KLF6: variants seen among roughly 807,000 people sequenced by gnomAD.
KLF6 encodes the protein KLF transcription factor 6, also known as Krueppel-like factor 6.
For missense variants in KLF6, 233 were observed against 359.8 expected, an observed-to-expected ratio of 0.65 and a Z score of 2.85; for synonymous variants, 152 against 147.9, an observed-to-expected ratio of 1.03 and a Z score of -0.20.
At position 3,782,525 on chromosome 10, in the gene KLF6, T is replaced by C. The variant is rs919453915; in HGVS notation, c.103-311A>G. ...TTTTTGTTGTAGTTACCAGTGTTGA[T>C]GTTTCTCATGAAACCAGAGGAAGAG... On this transcript the variant is annotated intron_variant, in intron 1 of 3. Transcript: ENST00000497571. The surrounding 1 kb of genome is among the most constrained non-coding windows in gnomAD (Gnocchi z 4.3). Among the ~76,000 whole-genome samples, 18 of 152,244 alleles carry C rather than the reference T, an allele frequency of 1.2e-4. No homozygotes were observed. Among genetic ancestry groups the C allele is most frequent in the Admixed American group, 9.2e-4 (14 of 15,290 alleles).
At chr10:3,784,002 T>C (rs547136636) in intron 1 of KLF6, among the ~76,000 whole-genome samples, 1 of 152,294 alleles carries the variant, frequency 6.6e-6, no homozygotes, top group African/African-American at 2.4e-5. Flanking sequence ...ACACCCTGCA[T>C]TTCATCTTCC....
At position 3,778,425 on chromosome 10, in the gene KLF6, A is replaced by C. The variant is rs1197164352; in HGVS notation, c.*1114T>G. The C allele has an allele frequency of 1.9e-6, 1 of 526,010 alleles. No homozygotes were observed. The allele number at this position is 526,010 out of a possible 1,614,324, so 32.6% of individuals were successfully genotyped here. A position where few individuals can be genotyped will look rare whatever the true frequency, so the allele number is the denominator to read the frequency against. ...GTGGTTTTATCCACCCAACTGAGAA[A>C]AATTTTAGGTTCTTAAGTCTAATGA... On this transcript the variant is annotated 3_prime_UTR_variant, in exon 4 of 4. Coordinates refer to ENST00000497571, the MANE Select transcript of KLF6 (RefSeq NM_001300.6).
In KLF6 at chr10:3,781,274, T is replaced by C; in HGVS notation, c.676+367A>G. 1.4e-6 allele frequency: 1 copy of C among 690,984 alleles called. No individual in the cohort carries two copies. Among genetic ancestry groups the C allele is most frequent in the Non-Finnish European group, 2.3e-6 (1 of 436,046 alleles). The allele number at this position is 690,984 out of a possible 1,614,324, so 42.8% of individuals were successfully genotyped here. ...TCTGTCCTGACCCTTGAGTTTCATTTAGGAAACCCCAGGGCCGCTCGAGGT... is the reference window on the plus strand; with the variant it reads ...TCTGTCCTGACCCTTGAGTTTCATTCAGGAAACCCCAGGGCCGCTCGAGGT... On this transcript the variant is annotated intron_variant, in intron 2 of 3. Transcript: ENST00000497571. This position sits in a 1 kb window ranked among gnomAD's most constrained non-coding sequence, Gnocchi z 5.8.
In KLF6 at chr10:3,776,861, C is replaced by T. The variant is rs1832390131; in HGVS notation, c.*2678G>A. On this transcript the variant is annotated 3_prime_UTR_variant, in exon 4 of 4. Coordinates refer to ENST00000497571, the MANE Select transcript of KLF6 (RefSeq NM_001300.6). ...CACAGGCATTGACAGGTACGGTACCCAGCCCCACCCAGGCAAACAGCTCCG... is the reference window on the plus strand; with the variant it reads ...CACAGGCATTGACAGGTACGGTACCTAGCCCCACCCAGGCAAACAGCTCCG... 2 of 527,380 alleles carry T rather than the reference C, an allele frequency of 3.8e-6. No homozygotes were observed. Among genetic ancestry groups the T allele is most frequent in the Non-Finnish European group, 7.3e-6 (2 of 272,872 alleles). 32.7% of individuals were successfully genotyped at this position (527,380 alleles called of 1,614,324 possible).
rs959751438 is a variant in KLF6, at chr10:3,776,335, A to AGAG, written c.*3201_*3203dup. ...GGTTGTTTTTGTCAGTCCTTGGAGA[A>AGAG]GAGTATTTGATGCATTCAGGGAGGG... On this transcript the variant is annotated 3_prime_UTR_variant, in exon 4 of 4. Transcript: ENST00000497571. The AGAG allele has an allele frequency of 2.1e-5, 11 of 532,442 alleles. No homozygotes were observed. Among genetic ancestry groups the AGAG allele is most frequent in the African/African-American group, 1.7e-4 (9 of 53,730 alleles). The allele number at this position is 532,442 out of a possible 1,614,324, so 33.0% of individuals were successfully genotyped here.
Position 3,781,365 on chromosome 10 carries a change from G to GGGGTGGA in KLF6, c.676+269_676+275dup. ...GATCCCCAGCACTACTAAGGGGTGG[G>GGGGTGGA]GGGTGGAGGTTTGGGTGTCCGTGGA... is the stretch of plus-strand genomic sequence containing the variant. On this transcript the variant is annotated intron_variant, in intron 2 of 3. Transcript: ENST00000497571. This position sits in a 1 kb window ranked among gnomAD's most constrained non-coding sequence, Gnocchi z 5.8. 1 of 1,419,672 alleles carries GGGGTGGA rather than the reference G, an allele frequency of 7.0e-7. No individual in the cohort carries two copies. The highest frequency in any genetic ancestry group is 9.3e-7 in the Non-Finnish European group (1 of 1,074,084). The allele number at this position is 1,419,672 out of a possible 1,614,324, so 87.9% of individuals were successfully genotyped here. A position where few individuals can be genotyped will look rare whatever the true frequency, so the allele number is the denominator to read the frequency against.
At position 3,778,841 on chromosome 10, in the gene KLF6, C is replaced by T. The variant is rs762972361; in HGVS notation, c.*698G>A. 4 of 533,442 alleles carry T rather than the reference C, an allele frequency of 7.5e-6. No individual in the cohort carries two copies. Among genetic ancestry groups the T allele is most frequent in the South Asian group, 6.1e-5 (4 of 65,150 alleles). 33.0% of individuals were successfully genotyped at this position (533,442 alleles called of 1,614,324 possible). On this transcript the variant is annotated 3_prime_UTR_variant, in exon 4 of 4. Transcript: ENST00000497571. ...AATACACAGCTTATACAATGGGTTACAAATGAGCTATGTTGTAGCGTGTAA... is the reference window on the plus strand; with the variant it reads ...AATACACAGCTTATACAATGGGTTATAAATGAGCTATGTTGTAGCGTGTAA...
Position 3,777,734 on chromosome 10 carries a change from AT to A in KLF6, c.*1804del, listed in dbSNP as rs764568209. On this transcript the variant is annotated 3_prime_UTR_variant, in exon 4 of 4. Transcript: ENST00000497571. ...ACATTCTAGTTTCTCCTTAAAAAAAATATTTATATATTATCTATATATATAA... is the reference window on the plus strand; with the variant it reads ...ACATTCTAGTTTCTCCTTAAAAAAAAATTTATATATTATCTATATATATAA... The A allele has an allele frequency of 2.6e-4, 86 of 335,456 alleles. 1 individual carries two copies. Among genetic ancestry groups the A allele is most frequent in the Non-Finnish European group, 3.6e-4 (64 of 175,580 alleles). The allele number at this position is 335,456 out of a possible 1,614,324, so 20.8% of individuals were successfully genotyped here.
rs752724587 is a variant in KLF6 at position 3,777,726 on chromosome 10, TAAA to T, written c.*1810_*1812del. 2.9e-6 allele frequency: 1 copy of T among 349,876 alleles called. No individual in the cohort carries two copies. The highest frequency in any genetic ancestry group is 5.5e-6 in the Non-Finnish European group (1 of 181,534). The allele number at this position is 349,876 out of a possible 1,614,324, so 21.7% of individuals were successfully genotyped here. A position where few individuals can be genotyped will look rare whatever the true frequency, so the allele number is the denominator to read the frequency against. ...CTAGCTAAACATTCTAGTTTCTCCT[TAAA>T]AAAAATATTTATATATTATCTATAT... On this transcript the variant is annotated 3_prime_UTR_variant, in exon 4 of 4. Transcript: ENST00000497571.
rs1210133176 is a variant in KLF6, at chr10:3,776,481, C to G, written c.*3058G>C. 8 of 530,724 alleles carry G rather than the reference C, an allele frequency of 1.5e-5. No homozygotes were observed. Among genetic ancestry groups the G allele is most frequent in the Non-Finnish European group, 2.9e-5 (8 of 274,248 alleles). 32.9% of individuals were successfully genotyped at this position (530,724 alleles called of 1,614,324 possible). On this transcript the variant is annotated 3_prime_UTR_variant, in exon 4 of 4. Transcript: ENST00000497571. ...ATGAAGATTTGCCCCCAGGAGGAAG[C>G]CAGGGTGATGAATGCAGGAGGAATC... is the stretch of plus-strand genomic sequence containing the variant.
chr10:3,777,279 G>C lies in KLF6; in HGVS notation c.*2260C>G, dbSNP rs1345955464. On this transcript the variant is annotated 3_prime_UTR_variant, in exon 4 of 4. Coordinates refer to ENST00000497571, the MANE Select transcript of KLF6 (RefSeq NM_001300.6). ...CCAGCAGCTGGGTGAAATATCAGCT[G>C]TCCACGCCGTGGTATGCCAATTCGG... 1 of 515,970 alleles carries C rather than the reference G, an allele frequency of 1.9e-6. No individual in the cohort carries two copies. Among genetic ancestry groups the C allele is most frequent in the East Asian group, 4.2e-5 (1 of 23,980 alleles). 32.0% of individuals were successfully genotyped at this position (515,970 alleles called of 1,614,324 possible). A position where few individuals can be genotyped will look rare whatever the true frequency, so the allele number is the denominator to read the frequency against.
At chr10:3,783,560 G>A (rs1047374714) in intron 1 of KLF6, among the ~76,000 whole-genome samples, 1 of 152,196 alleles carries the variant, frequency 6.6e-6, no homozygotes, top group African/African-American at 2.4e-5. Context: ...CACACAGCCG[G>A]TGGGAGCAAG....
In KLF6 at chr10:3,779,391, C is replaced by A. The variant is rs1379986969; in HGVS notation, c.*148G>T. 5 of 730,896 alleles carry A rather than the reference C, an allele frequency of 6.8e-6. No individual in the cohort carries two copies. In the Admixed American group the frequency reaches 8.0e-5, roughly 12 times the overall value. 45.3% of individuals were successfully genotyped at this position (730,896 alleles called of 1,614,324 possible). A position where few individuals can be genotyped will look rare whatever the true frequency, so the allele number is the denominator to read the frequency against. Reference sequence around the variant, plus strand: ...GCCGCTTCTTACAGGACCTTTTTAGCCCTCAAAAGACCTTCCAAGGAGAGG... The same window carrying A: ...GCCGCTTCTTACAGGACCTTTTTAGACCTCAAAAGACCTTCCAAGGAGAGG... On this transcript the variant is annotated 3_prime_UTR_variant, in exon 4 of 4. Coordinates refer to ENST00000497571, the MANE Select transcript of KLF6 (RefSeq NM_001300.6).
Position 3,776,793 on chromosome 10 carries a change from T to G in KLF6, c.*2746A>C, listed in dbSNP as rs560049025. ...GCTTGATTGAGGCTCAGTTATCACCTGAACAGAATGTACTTCTTTATGTAC... is the reference window on the plus strand; with the variant it reads ...GCTTGATTGAGGCTCAGTTATCACCGGAACAGAATGTACTTCTTTATGTAC... On this transcript the variant is annotated 3_prime_UTR_variant, in exon 4 of 4. Coordinates refer to ENST00000497571, the MANE Select transcript of KLF6 (RefSeq NM_001300.6). 1.9e-6 allele frequency: 1 copy of G among 516,958 alleles called. No individual in the cohort carries two copies. Among genetic ancestry groups the G allele is most frequent in the Non-Finnish European group, 3.8e-6 (1 of 266,392 alleles). 32.0% of individuals were successfully genotyped at this position (516,958 alleles called of 1,614,324 possible). A position where few individuals can be genotyped will look rare whatever the true frequency, so the allele number is the denominator to read the frequency against.
rs1832624398 is a variant in KLF6 at position 3,785,154 on chromosome 10, C to T, written c.-140G>A. On this transcript the variant is annotated 5_prime_UTR_variant, in exon 1 of 4. Transcript: ENST00000497571. ...CGCAGAGACGCCCGGCCGGACCCTC[C>T]CGCAGCCCGCAGCGCGCGGAGCCCA... 1.3e-6 allele frequency: 2 copies of T among 1,498,268 alleles called. No homozygotes were observed. The highest frequency in any genetic ancestry group is 1.4e-5 in the African/African-American group (1 of 72,346). 92.8% of individuals were successfully genotyped at this position (1,498,268 alleles called of 1,614,324 possible). A position where few individuals can be genotyped will look rare whatever the true frequency, so the allele number is the denominator to read the frequency against.
In KLF6 at chr10:3,782,827, T is replaced by G. The variant is rs1832561800; in HGVS notation, c.103-613A>C. On this transcript the variant is annotated intron_variant, in intron 1 of 3. Coordinates refer to ENST00000497571, the MANE Select transcript of KLF6 (RefSeq NM_001300.6). This position sits in a 1 kb window ranked among gnomAD's most constrained non-coding sequence, Gnocchi z 4.3. ...CTGCAGAAAAACCACCCATTTCCTG[T>G]GTAGCCCAGACCGCCTATGTTTTCA... is the stretch of plus-strand genomic sequence containing the variant. Among the ~76,000 whole-genome samples, 1 of 152,236 alleles carries G rather than the reference T, an allele frequency of 6.6e-6. No individual in the cohort carries two copies. Among genetic ancestry groups the G allele is most frequent in the Non-Finnish European group, 1.5e-5 (1 of 68,042 alleles).
chr10:3,776,931 C>CCTTTTTTTTTTTTTTTTTTTTTTTTTTTT lies in KLF6; in HGVS notation c.*2607_*2608insAAAAAAAAAAAAAAAAAAAAAAAAAAAAG. On this transcript the variant is annotated 3_prime_UTR_variant, in exon 4 of 4. Coordinates refer to ENST00000497571, the MANE Select transcript of KLF6 (RefSeq NM_001300.6). The stretch of plus-strand genomic sequence containing the variant: ...CAAGCCAGTGCAAGTTTTTTTTTTT[C>CCTTTTTTTTTTTTTTTTTTTTTTTTTTTT]CTTTTTTTTTTTTTGTCTTTTGCTT... The CCTTTTTTTTTTTTTTTTTTTTTTTTTTTT allele has an allele frequency of 2.2e-6, 1 of 457,044 alleles. No homozygotes were observed. The highest frequency in any genetic ancestry group is 4.2e-6 in the Non-Finnish European group (1 of 237,062). The allele number at this position is 457,044 out of a possible 1,614,324, so 28.3% of individuals were successfully genotyped here.
rs759553514 is a variant in KLF6, at chr10:3,780,068, C to T, written c.800+38G>A. ...ACCCTGGTCATCACATTCCCAAGGCCCCACGCTCCTTGCCCAGCATTGTCC... is the reference window on the plus strand; with the variant it reads ...ACCCTGGTCATCACATTCCCAAGGCTCCACGCTCCTTGCCCAGCATTGTCC... On this transcript the variant is annotated intron_variant, in intron 3 of 3. Coordinates refer to ENST00000497571, the MANE Select transcript of KLF6 (RefSeq NM_001300.6). This position sits in a 1 kb window ranked among gnomAD's most constrained non-coding sequence, Gnocchi z 4.6. 36 of 1,613,238 alleles carry T rather than the reference C, an allele frequency of 2.2e-5. No homozygotes were observed. Among genetic ancestry groups the T allele is most frequent in the Non-Finnish European group, 2.8e-5 (33 of 1,179,656 alleles).
chr10:3,784,697 G>C (rs927217950), intron 1 of KLF6, among the ~76,000 whole-genome samples: 15 of 152,212 alleles, frequency 9.9e-5, no homozygotes, highest in East Asian at 9.6e-4. Context: ...ACTCGTGCCA[G>C]GGGCTCGGCC....
Sources: allele counts gnomAD v4.1 joint callset (sites outside exome capture counted in the v4.1 genomes callset), GRCh38; gene constraint gnomAD v4.1.1; non-coding constraint Gnocchi (gnomAD v3.1); transcripts MANE v1.5; gene names NCBI Gene and HGNC (gene_info 2026-07-23, HGNC 2026-07-21).